Variants in LRRTM4 observed in about 807,000 individuals in gnomAD.
LRRTM4 encodes the protein leucine-rich repeat transmembrane neuronal protein 4.
A neutral mutation model predicts 47.6 loss-of-function variants in LRRTM4; 25 were observed. That is an observed-to-expected ratio of 0.53 (90% CI 0.38 to 0.73). The LOEUF is 0.73. LRRTM4 is among the 30% of genes least tolerant of loss of function. The probability of loss-of-function intolerance (pLI) is 0.00; values close to 1 mark genes in which losing one functional copy is unlikely to be tolerated. For missense variants in LRRTM4, 638 were observed against 713.4 expected (o/e 0.89, Z 1.20); for synonymous variants, 311 against 269.5 (o/e 1.15, Z -1.51).
chr2:76,981,844 C>T (rs1260485419), intron 3 of LRRTM4, among the ~76,000 whole-genome samples: 2 of 151,800 alleles, frequency 1.3e-5, no homozygotes, highest in Non-Finnish European at 2.9e-5. Flanking sequence ...CTATGTAGAG[C>T]AATGGAACAT....
intron 3 of LRRTM4, among the ~76,000 whole-genome samples, chr2:76,765,476 A>T (rs1483351198): frequency 2.0e-5 from 3 of 152,168 alleles, no homozygotes; most frequent in Admixed American, 6.5e-5. Context: ...ACATTTGGAG[A>T]TAGGGCCTCT....
chr2:77,210,029 A>G (rs1161296184), intron 3 of LRRTM4, among the ~76,000 whole-genome samples: 1 of 152,210 alleles, frequency 6.6e-6, no homozygotes, highest in Non-Finnish European at 1.5e-5. Context: ...ACTTTTCACT[A>G]GGATGTCAGA....
chr2:76,945,140 TA>T (rs1438912962), intron 3 of LRRTM4, among the ~76,000 whole-genome samples: 1 of 152,072 alleles, frequency 6.6e-6, no homozygotes, highest in Non-Finnish European at 1.5e-5. Context: ...TATAAGTATG[TA>T]AAGGGAATCT....
intron 3 of LRRTM4, among the ~76,000 whole-genome samples, chr2:77,067,374 A>G (rs188812320): frequency 6.6e-6 from 1 of 152,206 alleles, no homozygotes; most frequent in African/African-American, 2.4e-5. Context: ...CCCCTAGATA[A>G]TAAAACCTGG....
intron 3 of LRRTM4, among the ~76,000 whole-genome samples, chr2:77,165,111 T>TA (rs1300585059): frequency 1.3e-5 from 2 of 151,796 alleles, no homozygotes; most frequent in Non-Finnish European, 2.9e-5. Context: ...ATAGATGCAA[T>TA]AAAAAATGAT....
intron 3 of LRRTM4, among the ~76,000 whole-genome samples, chr2:77,343,951 G>A (rs948901449): frequency 6.6e-6 from 1 of 151,830 alleles, no homozygotes; most frequent in East Asian, 1.9e-4. Flanking sequence ...TGTCCTCAGG[G>A]AATTAGATTA....
intron 3 of LRRTM4, among the ~76,000 whole-genome samples, chr2:77,149,234 C>A (rs1672351670): frequency 1.3e-5 from 2 of 151,920 alleles, no homozygotes; most frequent in South Asian, 2.1e-4. Context: ...ATCTCAATGA[C>A]CTTTTTTACC....
chr2:76,965,441 AAAG>A (rs894591774), intron 3 of LRRTM4, among the ~76,000 whole-genome samples: 9 of 151,186 alleles, frequency 6.0e-5, no homozygotes, highest in African/African-American at 2.2e-4. Flanking sequence ...ACAGGGTAAA[AAAG>A]AATCATATGA....
At chr2:77,041,583 C>T (rs532125791) in intron 3 of LRRTM4, among the ~76,000 whole-genome samples, 65 of 151,334 alleles carry the variant, frequency 4.3e-4, no homozygotes, top group Admixed American at 7.3e-4. Context: ...TATTATTTTT[C>T]GTCTTTTTTA....
At chr2:77,236,137 C>A (rs775189252) in intron 3 of LRRTM4, among the ~76,000 whole-genome samples, 73 of 152,000 alleles carry the variant, frequency 4.8e-4, no homozygotes, top group Non-Finnish European at 8.8e-4. Flanking sequence ...GACATTGATT[C>A]TTCTAATCCA....
At chr2:76,978,941 A>G (rs1676506922) in intron 3 of LRRTM4, among the ~76,000 whole-genome samples, 1 of 151,992 alleles carries the variant, frequency 6.6e-6, no homozygotes, top group African/African-American at 2.4e-5. Flanking sequence ...AGCATAATAT[A>G]TGACGCCAGG....
chr2:77,255,680 T>G (rs13424945), intron 3 of LRRTM4, among the ~76,000 whole-genome samples: 18,687 of 151,974 alleles, frequency 0.12, 3,850 homozygotes, highest in African/African-American at 0.42. Flanking sequence ...ATGTGTCGAA[T>G]AGAATATCCC....
intron 3 of LRRTM4, among the ~76,000 whole-genome samples, chr2:76,866,234 T>C (rs1672463866): frequency 6.6e-6 from 1 of 152,162 alleles, no homozygotes; most frequent in South Asian, 2.1e-4. Flanking sequence ...ATTTCAGAAG[T>C]AAATTTAAAC....
chr2:77,066,906 G>T (rs1413927816), intron 3 of LRRTM4, among the ~76,000 whole-genome samples: 2 of 152,228 alleles, frequency 1.3e-5, no homozygotes, highest in Admixed American at 1.3e-4. Flanking sequence ...CTGGCAGAGA[G>T]AGCGGGGCTG....
At chr2:77,142,441 AC>A (rs1351869447) in intron 3 of LRRTM4, among the ~76,000 whole-genome samples, 58 of 151,778 alleles carry the variant, frequency 3.8e-4, no homozygotes, top group African/African-American at 1.3e-3. Context: ...ACACACACAC[AC>A]ACACACACAC....
chr2:77,419,017 T>A (rs1674759269), intron 3 of LRRTM4, among the ~76,000 whole-genome samples: 1 of 152,228 alleles, frequency 6.6e-6, no homozygotes, highest in Non-Finnish European at 1.5e-5. Flanking sequence ...TGCTAGATTA[T>A]AAGTTTCACA....
At chr2:76,842,222 C>G (rs1005055417) in intron 3 of LRRTM4, among the ~76,000 whole-genome samples, 1 of 152,128 alleles carries the variant, frequency 6.6e-6, no homozygotes. Flanking sequence ...CTGCAGGCCT[C>G]GGTGCTTCTG....
intron 3 of LRRTM4, among the ~76,000 whole-genome samples, chr2:77,049,908 T>G (rs953310768): frequency 6.6e-6 from 1 of 152,088 alleles, no homozygotes; most frequent in African/African-American, 2.4e-5. Flanking sequence ...GTATATATTT[T>G]GCTTCGTAAA....
At chr2:76,880,046 G>C (rs1054711897) in intron 3 of LRRTM4, among the ~76,000 whole-genome samples, 5 of 152,360 alleles carry the variant, frequency 3.3e-5, no homozygotes, top group South Asian at 4.1e-4. Flanking sequence ...AGAATCTTGA[G>C]ATGGAATCTA....
Sources: gnomAD v4.1 joint callset for allele counts (sites outside exome capture counted in the v4.1 genomes callset) on GRCh38, gnomAD v4.1.1 for gene constraint, MANE v1.5 for transcripts, NCBI Gene and HGNC (gene_info 2026-07-23, HGNC 2026-07-21) for gene names.